The following MTUS2 variants were observed in gnomAD, a reference collection of about 807,000 sequenced individuals.
MTUS2 encodes microtubule-associated tumor suppressor candidate 2.
MTUS2 carries 40 observed loss-of-function variants against 114.1 expected under a neutral mutation model. The ratio of observed to expected loss-of-function variants is 0.35; its 90% CI spans 0.27 to 0.46. The LOEUF (loss-of-function observed/expected upper bound fraction) is 0.46, where lower values mean the gene tolerates loss of function less well. MTUS2 is among the 20% of genes least tolerant of loss of function. The pLI is 1.00. For synonymous variants in MTUS2, 688 were observed against 672.0 expected (o/e 1.02, Z -0.37); for missense variants, 1,679 against 1,705.4 (o/e 0.98, Z 0.27).
At position 28,982,346 on chromosome 13, in the gene MTUS2, T is replaced by TAA. The variant is rs34479954; in HGVS notation, c.-242-42100_-242-42099dup. ...CACACCTATGAGGATGGTTATTATT[T>TAA]AAAAAAAAAAAAGAAAATAGCAAGT... On this transcript the variant is annotated intron_variant, in intron 2 of 15. Transcript: ENST00000612955. Among the ~76,000 whole-genome samples, 710 of 147,204 alleles carry TAA rather than the reference T, an allele frequency of 4.8e-3. 5 individuals are homozygous for TAA. Among genetic ancestry groups the TAA allele is most frequent in the African/African-American group, 0.017 (672 of 40,442 alleles).
At chr13:29,057,578 G>T (rs2138630163) in intron 4 of MTUS2, among the ~76,000 whole-genome samples, 1 of 152,130 alleles carries the variant, frequency 6.6e-6, no homozygotes, top group Non-Finnish European at 1.5e-5. Flanking sequence ...TTTGATCACT[G>T]TTGGCTTAAA....
chr13:28,846,342 GA>G (rs1274482154), intron 2 of MTUS2, among the ~76,000 whole-genome samples: 2 of 152,132 alleles, frequency 1.3e-5, no homozygotes, highest in African/African-American at 4.8e-5. Flanking sequence ...AATAACTAAA[GA>G]ACACGAAAGA....
At chr13:29,077,530 G>A (rs1247593566) in intron 4 of MTUS2, among the ~76,000 whole-genome samples, 1 of 152,058 alleles carries the variant, frequency 6.6e-6, no homozygotes, top group Non-Finnish European at 1.5e-5. Context: ...GATGTGTTTT[G>A]CTTTCATTTA....
chr13:28,865,916 A>T (rs910065478), intron 2 of MTUS2, among the ~76,000 whole-genome samples: 1 of 152,236 alleles, frequency 6.6e-6, no homozygotes, highest in African/African-American at 2.4e-5. Flanking sequence ...GGAAAACAAT[A>T]CTAGAATCAA....
At chr13:29,381,929 T>C (rs1031825491) in intron 8 of MTUS2, among the ~76,000 whole-genome samples, 13 of 152,328 alleles carry the variant, frequency 8.5e-5, no homozygotes, top group Non-Finnish European at 2.9e-5. Context: ...TCTATCACGT[T>C]GTGCTGATGT....
intron 4 of MTUS2, among the ~76,000 whole-genome samples, chr13:29,080,100 G>T (rs1335196693): frequency 2.0e-5 from 3 of 152,220 alleles, no homozygotes; most frequent in South Asian, 4.1e-4. Context: ...CAGAGTAAAA[G>T]ATTTATACTT....
intron 8 of MTUS2, among the ~76,000 whole-genome samples, chr13:29,373,408 C>G (rs537812820): frequency 2.0e-5 from 3 of 152,050 alleles, no homozygotes; most frequent in African/African-American, 7.2e-5. Flanking sequence ...CTTTTTGGCT[C>G]GAGGACTAAC....
In MTUS2 at chr13:29,024,491, A is replaced by C; in HGVS notation, c.-208A>C. 2 of 594,920 alleles carry C rather than the reference A, an allele frequency of 3.4e-6. No individual in the cohort carries two copies. Among genetic ancestry groups the C allele is most frequent in the Non-Finnish European group, 5.8e-6 (2 of 342,754 alleles). The allele number at this position is 594,920 out of a possible 1,614,324, so 36.9% of individuals were successfully genotyped here. A position where few individuals can be genotyped will look rare whatever the true frequency, so the allele number is the denominator to read the frequency against. On this transcript the variant is annotated 5_prime_UTR_variant, in exon 3 of 16. Coordinates refer to ENST00000612955, the MANE Select transcript of MTUS2 (RefSeq NM_001033602.4). Reference sequence around the variant, plus strand: ...ACTGATTGGCTCTCATTCAGCAGGAACCTAACAGATAAGTCTTCCTGCTGT... The same window carrying C: ...ACTGATTGGCTCTCATTCAGCAGGACCCTAACAGATAAGTCTTCCTGCTGT...
chr13:29,151,975 A>G (rs1047652630), intron 5 of MTUS2, among the ~76,000 whole-genome samples: 2 of 152,040 alleles, frequency 1.3e-5, no homozygotes, highest in African/African-American at 4.8e-5. Flanking sequence ...TTCATTGGAT[A>G]TTGGCCTGTA....
intron 9 of MTUS2, among the ~76,000 whole-genome samples, chr13:29,475,231 G>A (rs1389095350): frequency 1.3e-5 from 2 of 152,150 alleles, no homozygotes; most frequent in Non-Finnish European, 2.9e-5. Context: ...ATAGCACAAT[G>A]CATTACTCAC....
chr13:28,951,238 A>G (rs1467380972), intron 2 of MTUS2, among the ~76,000 whole-genome samples: 1 of 152,236 alleles, frequency 6.6e-6, no homozygotes, highest in Non-Finnish European at 1.5e-5. Context: ...AGACTTACAC[A>G]CTGAAAACTA....
intron 5 of MTUS2, among the ~76,000 whole-genome samples, chr13:29,132,108 A>G (rs1891789504): frequency 6.6e-6 from 1 of 152,228 alleles, no homozygotes; most frequent in African/African-American, 2.4e-5. Context: ...TGGAATGAGT[A>G]CGTTTCATAT....
At chr13:29,288,653 G>A (rs770453762) in intron 6 of MTUS2, among the ~76,000 whole-genome samples, 2 of 152,192 alleles carry the variant, frequency 1.3e-5, no homozygotes, top group Admixed American at 1.3e-4. Context: ...GGATGAGGGG[G>A]CTGATATTGG....
At chr13:29,028,766 G>C (rs1886680360) in intron 3 of MTUS2, among the ~76,000 whole-genome samples, 1 of 152,060 alleles carries the variant, frequency 6.6e-6, no homozygotes, top group East Asian at 1.9e-4. Context: ...GGAAGGGATT[G>C]TTTTCAATAT....
At chr13:29,115,191 A>C (rs1891038470) in intron 5 of MTUS2, among the ~76,000 whole-genome samples, 1 of 138,340 alleles carries the variant, frequency 7.2e-6, no homozygotes, top group African/African-American at 2.7e-5. Context: ...ACTGCCATGA[A>C]TATGTCTAGT....
At chr13:29,492,538 G>A (rs1202221734) in intron 11 of MTUS2, 108 bp from the exon 12 acceptor site, 2 of 781,194 alleles carry the variant, frequency 2.6e-6, no homozygotes, top group African/African-American at 3.5e-5. Context: ...CTGCTATACG[G>A]GAGTCATTTA....
intron 2 of MTUS2, among the ~76,000 whole-genome samples, chr13:28,945,065 A>G (rs1190963688): frequency 2.0e-5 from 3 of 152,174 alleles, no homozygotes; most frequent in African/African-American, 7.2e-5. Flanking sequence ...GTGGTGAGAA[A>G]TGCAGTATTT....
At chr13:29,363,978 A>G (rs1870491213) in intron 8 of MTUS2, among the ~76,000 whole-genome samples, 1 of 152,158 alleles carries the variant, frequency 6.6e-6, no homozygotes, top group African/African-American at 2.4e-5. Context: ...TCCTCTGAAG[A>G]CAACATAATT....
At chr13:29,427,638 C>T (rs568288778) in intron 8 of MTUS2, among the ~76,000 whole-genome samples, 13 of 152,316 alleles carry the variant, frequency 8.5e-5, no homozygotes, top group Non-Finnish European at 1.9e-4. Flanking sequence ...CCTATGTGAT[C>T]ACTAAATACT....
Sources: gnomAD v4.1 joint callset for allele counts (sites outside exome capture counted in the v4.1 genomes callset) on GRCh38, gnomAD v4.1.1 for gene constraint, MANE v1.5 for transcripts, NCBI Gene and HGNC (gene_info 2026-07-23, HGNC 2026-07-21) for gene names.